Variants in ST6GALNAC3 observed in about 807,000 individuals in gnomAD.
The protein encoded by ST6GALNAC3 is ST6 N-acetylgalactosaminide alpha-2,6-sialyltransferase 3.
Under a neutral mutation model 32.7 loss-of-function variants are expected in ST6GALNAC3, and 25 were observed. The observed-to-expected ratio is 0.76, with a 90% CI of 0.56 to 1.07. ST6GALNAC3 has a LOEUF of 1.07. Among genes scored for constraint, ST6GALNAC3 ranks in the 50% least tolerant of loss-of-function variants. The pLI is 0.00. For missense variants in ST6GALNAC3, 355 were observed against 382.4 expected, an observed-to-expected ratio of 0.93 and a Z score of 0.60; for synonymous variants, 129 against 133.1, an observed-to-expected ratio of 0.97 and a Z score of 0.21.
chr1:76,145,776 T>C (rs1356735322), intron 1 of ST6GALNAC3, among the ~76,000 whole-genome samples: 1 of 152,242 alleles, frequency 6.6e-6, no homozygotes, highest in East Asian at 1.9e-4. Context: ...ATAGGGGCTT[T>C]AAAAATTTAA....
intron 1 of ST6GALNAC3, among the ~76,000 whole-genome samples, chr1:76,254,903 CA>C (rs923886460): frequency 6.6e-6 from 1 of 151,872 alleles, no homozygotes; most frequent in South Asian, 2.1e-4. Context: ...ACAGCAAGTG[CA>C]AAAAATGATT....
chr1:76,531,771 T>C (rs542077031), intron 3 of ST6GALNAC3, among the ~76,000 whole-genome samples: 1 of 152,232 alleles, frequency 6.6e-6, no homozygotes, highest in East Asian at 1.9e-4. Context: ...CCGTGTTAAC[T>C]TCATGACGTG....
At chr1:76,371,884 A>G (rs1177486501) in intron 2 of ST6GALNAC3, among the ~76,000 whole-genome samples, 1 of 152,152 alleles carries the variant, frequency 6.6e-6, no homozygotes, top group Non-Finnish European at 1.5e-5. Flanking sequence ...AATCTAATAT[A>G]TTAGTCACAA....
At position 76,451,171 on chromosome 1, in the gene ST6GALNAC3, C is replaced by A. The variant is rs115823097; in HGVS notation, c.623+38754C>A. 7.3e-3 allele frequency among the ~76,000 whole-genome samples: 1,109 copies of A among 152,224 alleles called. 14 individuals carry two copies. The highest frequency in any genetic ancestry group is 0.025 in the African/African-American group (1,036 of 41,530). On this transcript the variant is annotated intron_variant, in intron 3 of 4. Coordinates refer to ENST00000328299, the MANE Select transcript of ST6GALNAC3 (RefSeq NM_152996.4). Reference sequence around the variant, plus strand: ...GTCATTTTCACAATATTGATTCTACCCATCTGTATTAGTCCATTCTCATGC... The same window carrying A: ...GTCATTTTCACAATATTGATTCTACACATCTGTATTAGTCCATTCTCATGC...
intron 3 of ST6GALNAC3, among the ~76,000 whole-genome samples, chr1:76,527,600 T>A (rs982143276): frequency 1.3e-5 from 2 of 152,120 alleles, no homozygotes; most frequent in East Asian, 3.9e-4. Context: ...TGTCCCATGC[T>A]AATAGGCAAT....
At chr1:76,581,462 G>C (rs1276216092) in intron 3 of ST6GALNAC3, among the ~76,000 whole-genome samples, 1 of 152,136 alleles carries the variant, frequency 6.6e-6, no homozygotes, top group Non-Finnish European at 1.5e-5. Context: ...TCATATGTCT[G>C]TGTTCACATA....
At chr1:76,430,453 C>T (rs894400817) in intron 3 of ST6GALNAC3, among the ~76,000 whole-genome samples, 5 of 152,160 alleles carry the variant, frequency 3.3e-5, no homozygotes, top group Admixed American at 2.0e-4. Context: ...TGGGTCTGCT[C>T]GTTATCTCCA....
intron 1 of ST6GALNAC3, among the ~76,000 whole-genome samples, chr1:76,308,236 G>A (rs1661184373): frequency 6.6e-6 from 1 of 152,144 alleles, no homozygotes; most frequent in South Asian, 2.1e-4. Flanking sequence ...CTCAACACTA[G>A]CTAATGTTCA....
Position 76,509,518 on chromosome 1 carries a change from T to A in ST6GALNAC3, c.623+97101T>A, listed in dbSNP as rs1318671561. 1.3e-5 allele frequency among the ~76,000 whole-genome samples: 2 copies of A among 151,694 alleles called. No individual in the cohort carries two copies. The highest frequency in any genetic ancestry group is 3.0e-5 in the Non-Finnish European group (2 of 67,732). Reference sequence around the variant, plus strand: ...TCTACATGAAAGGGATGGAATAAACTGGAAATGATTTATACCAACGAGATT... The same window carrying A: ...TCTACATGAAAGGGATGGAATAAACAGGAAATGATTTATACCAACGAGATT... On this transcript the variant is annotated intron_variant, in intron 3 of 4. Coordinates refer to ENST00000328299, the MANE Select transcript of ST6GALNAC3 (RefSeq NM_152996.4). The surrounding 1 kb of genome is among the most constrained non-coding windows in gnomAD (Gnocchi z 5.5).
intron 2 of ST6GALNAC3, among the ~76,000 whole-genome samples, chr1:76,334,765 T>G (rs1381132608): frequency 6.6e-6 from 1 of 152,218 alleles, no homozygotes; most frequent in Admixed American, 6.5e-5. Context: ...TAAATTTTAA[T>G]ATGCATCAGA....
intron 3 of ST6GALNAC3, among the ~76,000 whole-genome samples, chr1:76,424,120 A>G (rs367597806): frequency 1.3e-5 from 2 of 152,136 alleles, no homozygotes; most frequent in East Asian, 1.9e-4. Flanking sequence ...GTGAGTTCAT[A>G]GCAAACACAG....
At chr1:76,477,387 C>T (rs1013004015) in intron 3 of ST6GALNAC3, among the ~76,000 whole-genome samples, 2 of 152,136 alleles carry the variant, frequency 1.3e-5, no homozygotes, top group African/African-American at 4.8e-5. Flanking sequence ...TGGCCCCAGG[C>T]CCTAAACAGG....
intron 1 of ST6GALNAC3, among the ~76,000 whole-genome samples, chr1:76,257,400 C>T (rs1212892460): frequency 1.3e-5 from 2 of 152,072 alleles, no homozygotes; most frequent in African/African-American, 4.8e-5. Context: ...GTTAAATGTA[C>T]AGTCACTGGG....
At chr1:76,249,984 G>A (rs1366314268) in intron 1 of ST6GALNAC3, among the ~76,000 whole-genome samples, 1 of 152,044 alleles carries the variant, frequency 6.6e-6, no homozygotes, top group African/African-American at 2.4e-5. Context: ...AGAGTGCTTT[G>A]TATATTCTGT....
intron 2 of ST6GALNAC3, among the ~76,000 whole-genome samples, chr1:76,357,445 T>TC (rs1380323756): frequency 6.6e-6 from 1 of 152,168 alleles, no homozygotes; most frequent in Non-Finnish European, 1.5e-5. Flanking sequence ...CATCTTCACA[T>TC]CCTTCCACAT....
intron 3 of ST6GALNAC3, among the ~76,000 whole-genome samples, chr1:76,482,275 A>G (rs1659774877): frequency 1.3e-5 from 2 of 152,150 alleles, no homozygotes; most frequent in African/African-American, 4.8e-5. Context: ...TTTCAGAGTC[A>G]TAATTACTGT....
chr1:76,092,685 C>T (rs1214602723), intron 1 of ST6GALNAC3, among the ~76,000 whole-genome samples: 2 of 152,280 alleles, frequency 1.3e-5, no homozygotes, highest in South Asian at 2.1e-4. Context: ...CAATTATTGT[C>T]GTAGAAGACT....
At chr1:76,557,439 G>C (rs1371552755) in intron 3 of ST6GALNAC3, among the ~76,000 whole-genome samples, 1 of 151,908 alleles carries the variant, frequency 6.6e-6, no homozygotes, top group Non-Finnish European at 1.5e-5. Flanking sequence ...AACTCTCCAG[G>C]CAAAACTAAT....
intron 2 of ST6GALNAC3, among the ~76,000 whole-genome samples, chr1:76,403,679 G>A (rs1318243671): frequency 1.3e-5 from 2 of 152,042 alleles, no homozygotes; most frequent in Non-Finnish European, 2.9e-5. Flanking sequence ...TCCTAGTTGA[G>A]TGACATGCAA....
Sources: allele counts gnomAD v4.1 joint callset (sites outside exome capture counted in the v4.1 genomes callset), GRCh38; gene constraint gnomAD v4.1.1; non-coding constraint Gnocchi (gnomAD v3.1); transcripts MANE v1.5; gene names NCBI Gene and HGNC (gene_info 2026-07-23, HGNC 2026-07-21).